NIN: variants seen among roughly 807,000 people sequenced by gnomAD.
The protein encoded by NIN is ninein, also known as glycogen synthase kinase 3 beta-interacting protein.
NIN carries 137 observed loss-of-function variants against 257.6 expected under a neutral mutation model. That is an observed-to-expected ratio of 0.53 (90% CI 0.46 to 0.61). NIN has a LOEUF of 0.61. NIN is among the 20% of genes least tolerant of loss of function. The probability of loss-of-function intolerance (pLI) is 0.00; values close to 1 mark genes in which losing one functional copy is unlikely to be tolerated. For synonymous variants in NIN, 918 were observed against 919.8 expected (o/e 1.00, Z 0.04); for missense variants, 2,439 against 2,501.2 (o/e 0.98, Z 0.53).
At chr14:50,731,020 G>C (rs1478781589) in intron 28 of NIN, 1 of 1,107,550 alleles carries the variant, frequency 9.0e-7, no homozygotes, top group Admixed American at 2.1e-5. Flanking sequence ...ACAAAAAGAA[G>C]AGAAAATTAC....
At chr14:50,745,514 C>T (rs975679486) in intron 22 of NIN, among the ~76,000 whole-genome samples, 2 of 152,142 alleles carry the variant, frequency 1.3e-5, no homozygotes, top group African/African-American at 4.8e-5. Context: ...TTTCTACTTC[C>T]TGAACCTGAA....
chr14:50,764,619 C>T (rs778374186), intron 14 of NIN, among the ~76,000 whole-genome samples: 10 of 152,024 alleles, frequency 6.6e-5, no homozygotes, highest in Non-Finnish European at 7.4e-5. Flanking sequence ...GGTATATCTA[C>T]GCAATGGAAT....
At chr14:50,788,631 T>G (rs947383403) in intron 5 of NIN, among the ~76,000 whole-genome samples, 3 of 152,214 alleles carry the variant, frequency 2.0e-5, no homozygotes, top group African/African-American at 7.2e-5. Context: ...CAACCTCCCC[T>G]ACTATGAAAT....
At chr14:50,773,251 A>G (rs551691914) in intron 7 of NIN, among the ~76,000 whole-genome samples, 156 bp from the exon 8 acceptor site, 14 of 152,316 alleles carry the variant, frequency 9.2e-5, no homozygotes, top group African/African-American at 2.9e-4. Flanking sequence ...TTCCCTTTCC[A>G]GTAATGATAT....
Position 50,772,430 on chromosome 14 carries a change from T to G in NIN, c.852A>C (p.Ser284=), listed in dbSNP as rs2141823318. ...DESGRRTTTS[S]AMTSTIGFRV... is the part of the protein sequence containing the mutation. ...GAAAGCCAATGGTACTTGTCATTGC[T>G]GATGAGGTTGTGGTACGTCGTCCAC... The change falls in exon 9 of 31, where the codon TCA becomes TCC. Residue 284 remains serine (S), a synonymous_variant. Coordinates refer to ENST00000530997, the MANE Select transcript of NIN (RefSeq NM_020921.4). The G allele has an allele frequency of 6.2e-7, 1 of 1,614,232 alleles. No individual in the cohort carries two copies. The highest frequency in any genetic ancestry group is 1.1e-5 in the South Asian group (1 of 91,090).
In NIN at chr14:50,741,595, T is replaced by C. The variant is rs1391162563; in HGVS notation, c.5435A>G (p.Asn1812Ser). The C allele has an allele frequency of 6.2e-7, 1 of 1,613,788 alleles. No homozygotes were observed. The highest frequency in any genetic ancestry group is 8.5e-7 in the Non-Finnish European group (1 of 1,179,948). ...EVMSLHKQLQ[N>S]AGGKSWAPEI... The stretch of plus-strand genomic sequence containing the variant: ...AGAACAAATCACCTTGCCACCAGCA[T>C]TCTGAAGTTGCTTATGTAAAGACAT... Residue 1812 changes from asparagine to serine, a missense_variant, in exon 25 of 31, where the codon AAT becomes AGT. Coordinates refer to ENST00000530997, the MANE Select transcript of NIN (RefSeq NM_020921.4).
In NIN at chr14:50,773,020, T is replaced by C; in HGVS notation, c.742A>G (p.Lys248Glu). The change falls in exon 8 of 31, where the codon AAA becomes GAA. Residue 248 changes from lysine (K) to glutamate (E), a missense_variant. Around this residue, in one of 3 missense-constraint regions of NIN, gnomAD observed 387 missense variants for 427.3 expected, o/e 0.91. Coordinates refer to ENST00000530997, the MANE Select transcript of NIN (RefSeq NM_020921.4). The stretch of plus-strand genomic sequence containing the variant: ...GATGGTGTAAGAGATTTTCCATTTT[T>C]AAACAAACCATAGAAAAAATCTTCT... ...SVEDFFYGLFKNGKSLTPSAS... is the reference protein window; with the variant it reads ...SVEDFFYGLFENGKSLTPSAS... The C allele has an allele frequency of 3.7e-6, 6 of 1,613,284 alleles. No individual in the cohort carries two copies. Among genetic ancestry groups the C allele is most frequent in the Non-Finnish European group, 5.1e-6 (6 of 1,179,292 alleles).
Position 50,757,340 on chromosome 14 carries a change from C to G in NIN, c.3690G>C (p.Val1230=). ...KKQDLLFDVS[V]LKKKLKMLER... is the part of the protein sequence containing the mutation. ...CAAGCATCTTCAGTTTCTTTTTTAG[C>G]ACAGAAACATCAAAAAGTAGGTCCT... The change falls in exon 18 of 31, where the codon GTG becomes GTC. Residue 1230 remains valine, a synonymous_variant. Transcript: ENST00000530997. 1.2e-6 allele frequency: 2 copies of G among 1,613,716 alleles called. No individual in the cohort carries two copies. Among genetic ancestry groups the G allele is most frequent in the Non-Finnish European group, 1.7e-6 (2 of 1,179,908 alleles).
chr14:50,787,279 A>G (rs1388188417), intron 5 of NIN, among the ~76,000 whole-genome samples: 3 of 152,216 alleles, frequency 2.0e-5, no homozygotes, highest in African/African-American at 4.8e-5. Flanking sequence ...TCCTGCCCCA[A>G]TTGTATTAAT....
Position 50,766,385 on chromosome 14 carries a change from G to C in NIN, c.1557C>G (p.Leu519=). The part of the protein sequence containing the change: ...ENVLAEKFGD[L]DPSSAEFFLQ... ...GGAAGAACTCAGCACTGCTAGGATCGAGGTCACCAAACTAGAAGGGGAAAA... is the reference window on the plus strand; with the variant it reads ...GGAAGAACTCAGCACTGCTAGGATCCAGGTCACCAAACTAGAAGGGGAAAA... The change falls in exon 14 of 31, where the codon CTC becomes CTG. Residue 519 remains leucine (L), a synonymous_variant. Transcript: ENST00000530997. 6.8e-6 allele frequency: 11 copies of C among 1,614,044 alleles called. No homozygotes were observed. The highest frequency in any genetic ancestry group is 9.3e-6 in the Non-Finnish European group (11 of 1,179,974).
rs1309343393 is a variant in NIN at position 50,758,255 on chromosome 14, T to C, written c.2775A>G (p.Val925=). The C allele has an allele frequency of 1.9e-6, 3 of 1,614,236 alleles. No homozygotes were observed. Among genetic ancestry groups the C allele is most frequent in the Non-Finnish European group, 1.7e-6 (2 of 1,180,040 alleles). ...ACAGCAGGCTTTGCTGGGTTTCAGA[T>C]ACATTTCTTAGGTCTTCCAGGTCTT... The part of the protein sequence containing the change: ...LLQDLEDLRN[V]SETQQSLLSD... The change falls in exon 18 of 31, where the codon GTA becomes GTG. Residue 925 remains valine (V), a synonymous_variant. Coordinates refer to ENST00000530997, the MANE Select transcript of NIN (RefSeq NM_020921.4).
At chr14:50,811,609 C>A (rs1311602575) in intron 3 of NIN, among the ~76,000 whole-genome samples, 5 of 98,966 alleles carry the variant, frequency 5.1e-5, no homozygotes, top group East Asian at 3.3e-4. Flanking sequence ...AGGTATTAAA[C>A]AATTTTATGG....
intron 14 of NIN, among the ~76,000 whole-genome samples, chr14:50,765,471 C>A (rs2042443092): frequency 6.6e-6 from 1 of 152,252 alleles, no homozygotes; most frequent in East Asian, 1.9e-4. Context: ...TTGTTTTACT[C>A]ATCTCTGCAC....
At chr14:50,773,281 A>T (rs2042802206) in intron 7 of NIN, among the ~76,000 whole-genome samples, 186 bp from the exon 8 acceptor site, 1 of 152,170 alleles carries the variant, frequency 6.6e-6, no homozygotes, top group Non-Finnish European at 1.5e-5. Context: ...CTTCCCACAA[A>T]CTAAATAAAA....
At chr14:50,811,246 T>C (rs1378680305) in intron 3 of NIN, among the ~76,000 whole-genome samples, 1 of 151,074 alleles carries the variant, frequency 6.6e-6, no homozygotes, top group Non-Finnish European at 1.5e-5. Context: ...GTAGCTGGGA[T>C]TACAGGCGCC....
chr14:50,780,921 T>C (rs2043110449), intron 5 of NIN, among the ~76,000 whole-genome samples: 1 of 152,212 alleles, frequency 6.6e-6, no homozygotes, highest in African/African-American at 2.4e-5. Flanking sequence ...ATCTAGTGGA[T>C]GTCTGAGGCA....
chr14:50,766,216 A>T, intron 14 of NIN, 91 bp downstream of exon 14: 1 of 905,386 alleles, frequency 1.1e-6, no homozygotes, highest in Non-Finnish European at 1.8e-6. Context: ...AGATGAAGTG[A>T]CTTGCTTAGG....
chr14:50,782,333 T>A (rs1474517086), intron 5 of NIN, among the ~76,000 whole-genome samples: 1 of 152,204 alleles, frequency 6.6e-6, no homozygotes, highest in Non-Finnish European at 1.5e-5. Flanking sequence ...TGTAAATATG[T>A]ACATGATAGC....
intron 29 of NIN, chr14:50,727,624 G>A: frequency 6.9e-7 from 1 of 1,443,754 alleles, no homozygotes. Context: ...TGTGGTGTGT[G>A]TGCATGGGTG....
Sources: gnomAD v4.1 joint callset for allele counts (sites outside exome capture counted in the v4.1 genomes callset) on GRCh38, gnomAD v4.1.1 for gene constraint, gnomAD v4.1.1 regional missense constraint, MANE v1.5 for transcripts, NCBI Gene and HGNC (gene_info 2026-07-23, HGNC 2026-07-21) for gene names.